Variants in CAB39L observed in about 807,000 individuals in gnomAD.
CAB39L encodes calcium binding protein 39 like, also known as calcium-binding protein 39-like.
Under a neutral mutation model 39.1 loss-of-function variants are expected in CAB39L, and 23 were observed. The ratio of observed to expected loss-of-function variants is 0.59; its 90% confidence interval spans 0.42 to 0.83. The LOEUF (loss-of-function observed/expected upper bound fraction) is 0.83. Ranked by LOEUF, CAB39L falls within the 40% of genes least tolerant of loss-of-function variation. The pLI, the probability that CAB39L is intolerant of heterozygous loss-of-function variation, is 0.00. For missense variants in CAB39L, 366 were observed against 391.9 expected, an observed-to-expected ratio of 0.93 and a Z score of 0.56; for synonymous variants, 126 against 137.2, an observed-to-expected ratio of 0.92 and a Z score of 0.57.
At chr13:49,325,837 AAGTG>A (rs1422310056) in intron 10 of CAB39L, among the ~76,000 whole-genome samples, 1 of 152,220 alleles carries the variant, frequency 6.6e-6, no homozygotes, top group Non-Finnish European at 1.5e-5. Context: ...GTCCTTAAGG[AAGTG>A]AGTAATTCAC....
intron 8 of CAB39L, among the ~76,000 whole-genome samples, chr13:49,343,830 A>G (rs1224819729): frequency 6.6e-6 from 1 of 152,202 alleles, no homozygotes; most frequent in Admixed American, 6.5e-5. Context: ...AAGTAAGACT[A>G]ATTATCAACC....
intron 7 of CAB39L, among the ~76,000 whole-genome samples, chr13:49,348,667 C>T (rs1459581613): frequency 6.6e-6 from 1 of 152,212 alleles, no homozygotes; most frequent in Non-Finnish European, 1.5e-5. Flanking sequence ...CCCCAGCCCA[C>T]CCCAAGTGGC....
chr13:49,418,288 A>C (rs774438868), intron 3 of CAB39L, among the ~76,000 whole-genome samples: 9 of 152,244 alleles, frequency 5.9e-5, no homozygotes, highest in Non-Finnish European at 1.0e-4. Context: ...AAAAGGTCAC[A>C]TATTGTATGA....
intron 10 of CAB39L, among the ~76,000 whole-genome samples, chr13:49,312,192 G>T (rs145090985): frequency 1.3e-5 from 2 of 152,270 alleles, no homozygotes; most frequent in Non-Finnish European, 2.9e-5. Context: ...ACCATGCCTG[G>T]CCCTAAGGTT....
At chr13:49,311,168 C>T (rs559637303) in intron 10 of CAB39L, among the ~76,000 whole-genome samples, 175 bp from the exon 11 acceptor site, 2 of 152,308 alleles carry the variant, frequency 1.3e-5, no homozygotes, top group South Asian at 2.1e-4. Context: ...TACAGTCACA[C>T]ACCACATAAC....
intron 3 of CAB39L, among the ~76,000 whole-genome samples, chr13:49,421,911 C>T (rs1957177149): frequency 6.6e-6 from 1 of 152,010 alleles, no homozygotes; most frequent in Non-Finnish European, 1.5e-5. Context: ...ACATAATACA[C>T]ACAAAAAATA....
intron 1 of CAB39L, among the ~76,000 whole-genome samples, chr13:49,441,262 T>C: frequency 7.1e-6 from 1 of 140,302 alleles, no homozygotes; most frequent in Admixed American, 7.4e-5. Flanking sequence ...TCCCATATAT[T>C]TATATAACTA....
chr13:49,381,070 G>A (rs1163076822), intron 4 of CAB39L, among the ~76,000 whole-genome samples: 2 of 152,116 alleles, frequency 1.3e-5, no homozygotes, highest in African/African-American at 4.8e-5. Flanking sequence ...TGGGATTACA[G>A]GCACCCACCA....
intron 3 of CAB39L, among the ~76,000 whole-genome samples, chr13:49,412,321 T>C (rs1957006523): frequency 6.6e-6 from 1 of 151,882 alleles, no homozygotes; most frequent in African/African-American, 2.4e-5. Context: ...TGATTATTTG[T>C]ATTATTCTAA....
chr13:49,371,973 G>C (rs1431069495), intron 5 of CAB39L, among the ~76,000 whole-genome samples: 2 of 152,086 alleles, frequency 1.3e-5, no homozygotes, highest in Non-Finnish European at 2.9e-5. Context: ...CTGCTTCTTT[G>C]AGCTGCTTAT....
intron 7 of CAB39L, among the ~76,000 whole-genome samples, chr13:49,347,242 C>G (rs2138452098): frequency 6.6e-6 from 1 of 152,212 alleles, no homozygotes; most frequent in East Asian, 1.9e-4. Flanking sequence ...GACTTAAATT[C>G]AATGGAAAAT....
At chr13:49,346,818 G>A (rs1397818203) in intron 7 of CAB39L, among the ~76,000 whole-genome samples, 1 of 152,158 alleles carries the variant, frequency 6.6e-6, no homozygotes, top group South Asian at 2.1e-4. Flanking sequence ...AGGTGGCAGA[G>A]AAAGACAGAA....
chr13:49,401,379 T>A (rs1337798280), intron 3 of CAB39L: 1 of 152,204 alleles, frequency 6.6e-6, no homozygotes, highest in Admixed American at 6.5e-5. Context: ...CAGAAAATGA[T>A]CACTTGAACA....
chr13:49,312,856 C>T (rs1460564909), intron 10 of CAB39L, among the ~76,000 whole-genome samples: 3 of 152,058 alleles, frequency 2.0e-5, no homozygotes, highest in African/African-American at 7.3e-5. Context: ...TAGATTTTAC[C>T]ATTGTGCCTC....
At chr13:49,348,043 T>G (rs1955232634) in intron 7 of CAB39L, among the ~76,000 whole-genome samples, 1 of 152,142 alleles carries the variant, frequency 6.6e-6, no homozygotes. Flanking sequence ...CTCTCTTCCC[T>G]GTTTTCTTCA....
intron 3 of CAB39L, among the ~76,000 whole-genome samples, chr13:49,411,626 G>A (rs755995958): frequency 3.1e-4 from 47 of 151,912 alleles, no homozygotes; most frequent in Non-Finnish European, 4.4e-5. Context: ...AGTAGATCTT[G>A]GATTTCTCTA....
chr13:49,360,063 T>C (rs1003721534), intron 5 of CAB39L, among the ~76,000 whole-genome samples: 1 of 152,126 alleles, frequency 6.6e-6, no homozygotes, highest in Admixed American at 6.5e-5. Flanking sequence ...TGGGGGAAAT[T>C]TGACCAACGA....
chr13:49,326,741 A>G (rs1293371624), intron 10 of CAB39L, among the ~76,000 whole-genome samples: 2 of 152,238 alleles, frequency 1.3e-5, no homozygotes, highest in African/African-American at 4.8e-5. Flanking sequence ...CAAGCGGTCA[A>G]CTATTTTTAA....
intron 5 of CAB39L, among the ~76,000 whole-genome samples, chr13:49,365,607 G>A (rs562430623): frequency 2.6e-5 from 4 of 152,272 alleles, no homozygotes; most frequent in East Asian, 1.9e-4. Flanking sequence ...ATCCTCTCAC[G>A]ACAGTTAAAA....
Sources: gnomAD v4.1 joint callset for allele counts (sites outside exome capture counted in the v4.1 genomes callset) on GRCh38, gnomAD v4.1.1 for gene constraint, MANE v1.5 for transcripts, NCBI Gene and HGNC (gene_info 2026-07-23, HGNC 2026-07-21) for gene names.